FUBP3: variants seen among roughly 807,000 people sequenced by gnomAD.
FUBP3 encodes the protein far upstream element-binding protein 3.
FUBP3 carries 28 observed loss-of-function variants against 85.6 expected under a neutral mutation model. That is an observed-to-expected ratio of 0.33 (90% CI 0.24 to 0.45). The LOEUF is 0.45. Ranked by LOEUF, FUBP3 falls within the 20% of genes least tolerant of loss-of-function variation. FUBP3 has a pLI of 1.00. For synonymous variants in FUBP3, 271 were observed against 271.4 expected, an observed-to-expected ratio of 1.00 and a Z score of 0.01; for missense variants, 583 against 755.1, an observed-to-expected ratio of 0.77 and a Z score of 2.67.
At chr9:130,606,854 T>A (rs1831484242) in intron 2 of FUBP3, among the ~76,000 whole-genome samples, 1 of 152,024 alleles carries the variant, frequency 6.6e-6, no homozygotes, top group African/African-American at 2.4e-5. Context: ...TATTGCAAAG[T>A]TGCATGTATT....
chr9:130,620,485 CA>C, intron 9 of FUBP3, 27 bp downstream of exon 9: 1 of 1,149,364 alleles, frequency 8.7e-7, no homozygotes, highest in South Asian at 1.3e-5. Flanking sequence ...GGTTAGTAGG[CA>C]AATGAGATGA....
rs559530128 is a variant in FUBP3 at position 130,623,958 on chromosome 9, A to G, written c.975+247A>G. Among the ~76,000 whole-genome samples, 3 of 152,330 alleles carry G rather than the reference A, an allele frequency of 2.0e-5. No individual in the cohort carries two copies. The South Asian group carries it at 6.2e-4, about 32-fold the overall frequency. ...TTACACAGTAAGTTTCTGGCTATTT[A>G]AACCATGTGGGGAAATACCATGGAG... On this transcript the variant is annotated intron_variant, in intron 11 of 18. Coordinates refer to ENST00000319725, the MANE Select transcript of FUBP3 (RefSeq NM_003934.2).
At chr9:130,589,675 G>GTGTGTGTATGTATATATATA (rs869282275) in intron 1 of FUBP3, among the ~76,000 whole-genome samples, 1 of 34,312 alleles carries the variant, frequency 2.9e-5, no homozygotes, top group African/African-American at 1.3e-4. Flanking sequence ...GTATGTGTGT[G>GTGTGTGTATGTATATATATA]TATATATATA....
intron 2 of FUBP3, among the ~76,000 whole-genome samples, chr9:130,607,014 A>T (rs533263476): frequency 6.6e-6 from 1 of 152,122 alleles, no homozygotes; most frequent in Non-Finnish European, 1.5e-5. Context: ...TCTGTCACCC[A>T]GGCTGGAGTG....
intron 2 of FUBP3, among the ~76,000 whole-genome samples, chr9:130,602,486 C>G (rs1188029627): frequency 6.6e-6 from 1 of 152,046 alleles, no homozygotes; most frequent in Non-Finnish European, 1.5e-5. Context: ...ATAGGAGGTA[C>G]AAGTGCTAGC....
chr9:130,584,493 A>C (rs182399609), intron 1 of FUBP3, among the ~76,000 whole-genome samples: 1 of 152,134 alleles, frequency 6.6e-6, no homozygotes, highest in East Asian at 1.9e-4. Context: ...GTGCCATTGC[A>C]TTCAAGCCTG....
At chr9:130,615,488 C>T (rs1440869277) in intron 6 of FUBP3, among the ~76,000 whole-genome samples, 1 of 152,230 alleles carries the variant, frequency 6.6e-6, no homozygotes, top group Non-Finnish European at 1.5e-5. Context: ...CTGAATTCTT[C>T]TCCATTAGAG....
chr9:130,596,687 T>C (rs897139700), intron 2 of FUBP3: 5 of 450,742 alleles, frequency 1.1e-5, no homozygotes, highest in African/African-American at 8.2e-5. Context: ...CTCCAGTTCA[T>C]AGACTTGTTT....
intron 9 of FUBP3, among the ~76,000 whole-genome samples, chr9:130,622,055 G>A (rs1457067612): frequency 6.6e-6 from 1 of 152,016 alleles, no homozygotes; most frequent in Non-Finnish European, 1.5e-5. Flanking sequence ...GGGCGTGGTG[G>A]CTCGCGCCCA....
At chr9:130,601,801 A>ATTTTTTTTTTTTTTTTTT (rs113638192) in intron 2 of FUBP3, among the ~76,000 whole-genome samples, 1 of 117,376 alleles carries the variant, frequency 8.5e-6, no homozygotes. Flanking sequence ...ATAATTCCTA[A>ATTTTTTTTTTTTTTTTTT]TTTTTTTTTT....
intron 13 of FUBP3, chr9:130,631,029 C>A: frequency 1.4e-6 from 1 of 711,464 alleles, no homozygotes; most frequent in Non-Finnish European, 1.9e-6. Context: ...GCAGCCGAGG[C>A]CCCAGAGCCG....
intron 1 of FUBP3, among the ~76,000 whole-genome samples, chr9:130,589,706 T>TATATA (rs71499252): frequency 2.3e-3 from 92 of 39,948 alleles, no homozygotes; most frequent in African/African-American, 3.1e-3. Context: ...TATATATATA[T>TATATA]TTTTTTTTTT....
At chr9:130,633,140 C>A (rs1193243608) in intron 16 of FUBP3, among the ~76,000 whole-genome samples, 1 of 152,244 alleles carries the variant, frequency 6.6e-6, no homozygotes. Flanking sequence ...GCCCTGCCTT[C>A]TCTGGAGCTC....
At chr9:130,608,192 C>T (rs1322232751) in intron 2 of FUBP3, among the ~76,000 whole-genome samples, 3 of 152,246 alleles carry the variant, frequency 2.0e-5, no homozygotes, top group Admixed American at 6.5e-5. Flanking sequence ...TACCAAACAA[C>T]GCAGTGGACC....
chr9:130,584,211 C>G (rs1024801774), intron 1 of FUBP3, among the ~76,000 whole-genome samples: 1 of 152,152 alleles, frequency 6.6e-6, no homozygotes, highest in African/African-American at 2.4e-5. Context: ...GTTTGACCCA[C>G]CCAGCACCAA....
At chr9:130,610,087 T>G in intron 3 of FUBP3, 100 bp downstream of exon 3, 1 of 961,988 alleles carries the variant, frequency 1.0e-6, no homozygotes, top group South Asian at 1.3e-5. Flanking sequence ...GTTGAGAATG[T>G]GAAAAAGCAT....
At chr9:130,585,106 G>A (rs1490105985) in intron 1 of FUBP3, among the ~76,000 whole-genome samples, 1 of 152,188 alleles carries the variant, frequency 6.6e-6, no homozygotes, top group Admixed American at 6.5e-5. Context: ...GTTGCAGTGA[G>A]TGGAGATTGC....
At chr9:130,596,929 C>A (rs937561360) in intron 2 of FUBP3, among the ~76,000 whole-genome samples, 1 of 152,078 alleles carries the variant, frequency 6.6e-6, no homozygotes, top group African/African-American at 2.4e-5. Flanking sequence ...TCCAGTTACT[C>A]TCTTTATTTT....
At position 130,637,141 on chromosome 9, in the gene FUBP3, A is replaced by T; in HGVS notation, c.*119A>T. On this transcript the variant is annotated 3_prime_UTR_variant, in exon 19 of 19. Transcript: ENST00000319725. ...AAGAACTGTTGTTTTGTTCTGTGAA[A>T]CACTATATTTAGATTAACGGAATTT... 1.2e-6 allele frequency: 1 copy of T among 827,922 alleles called. No individual in the cohort carries two copies. The highest frequency in any genetic ancestry group is 1.7e-5 in the African/African-American group (1 of 59,508). 51.3% of individuals were successfully genotyped at this position (827,922 alleles called of 1,614,324 possible). A position where few individuals can be genotyped will look rare whatever the true frequency, so the allele number is the denominator to read the frequency against.
Sources: allele counts gnomAD v4.1 joint callset (sites outside exome capture counted in the v4.1 genomes callset), GRCh38; gene constraint gnomAD v4.1.1; transcripts MANE v1.5; gene names NCBI Gene and HGNC (gene_info 2026-07-23, HGNC 2026-07-21).